GRTP1: variants seen among roughly 807,000 people sequenced by gnomAD.
GRTP1 encodes growth hormone regulated TBC protein 1, also known as growth hormone-regulated TBC protein 1.
A neutral mutation model predicts 38.1 loss-of-function variants in GRTP1; 56 were observed. The ratio of observed to expected loss-of-function variants is 1.47; its 90% CI spans 1.19 to 1.84. GRTP1 has a LOEUF of 1.84. GRTP1 is among the 40% of genes most tolerant of loss of function. The pLI is 0.00. For synonymous variants in GRTP1, 217 were observed against 189.5 expected (o/e 1.14, Z -1.19); for missense variants, 506 against 453.9 (o/e 1.11, Z -1.04).
At chr13:113,333,874 T>TGTGTGTGTG (rs33972835) in intron 5 of GRTP1, among the ~76,000 whole-genome samples, 5 of 135,262 alleles carry the variant, frequency 3.7e-5, no homozygotes, top group African/African-American at 1.4e-4. Flanking sequence ...TGTGTGTGTG[T>TGTGTGTGTG]CCGAGGCTGG....
Position 113,355,444 on chromosome 13 carries a change from G to A in GRTP1, c.219C>T (p.His73=). ...RYVRKGVPLE[H]RARVWMVLSG... ...TCAGCACCATCCAGACGCGGGCACG[G>A]TGCTCCAGCGGGACCCCTTTCCGGA... Residue 73 remains histidine (H), a synonymous_variant, in exon 3 of 8, where the codon CAC becomes CAT. Transcript: ENST00000375431. 3 of 1,613,818 alleles carry A rather than the reference G, an allele frequency of 1.9e-6. No individual in the cohort carries two copies. Among genetic ancestry groups the A allele is most frequent in the East Asian group, 2.2e-5 (1 of 44,870 alleles).
At chr13:113,328,220 C>G (rs1213187837) in intron 5 of GRTP1, among the ~76,000 whole-genome samples, 1 of 152,210 alleles carries the variant, frequency 6.6e-6, no homozygotes, top group East Asian at 1.9e-4. Context: ...TGCAAACCAC[C>G]CAACACTGTG....
chr13:113,329,541 GCCACTGCACT>G (rs1566414284), intron 5 of GRTP1, among the ~76,000 whole-genome samples: 4 of 152,146 alleles, frequency 2.6e-5, no homozygotes, highest in South Asian at 2.1e-4. Flanking sequence ...CCGAGATCGT[GCCACTGCACT>G]CCAGCCTGGG....
chr13:113,361,549 C>T (rs1329207843), intron 2 of GRTP1: 1 of 152,248 alleles, frequency 6.6e-6, no homozygotes, highest in Non-Finnish European at 1.5e-5. Context: ...CACAACCATA[C>T]ATCTTTCAGA....
intron 7 of GRTP1, chr13:113,325,248 C>T: frequency 1.4e-5 from 17 of 1,220,676 alleles, no homozygotes; most frequent in Non-Finnish European, 1.7e-5. Context: ...ACTCCCAGGC[C>T]TGAGCCTCTC....
intron 3 of GRTP1, among the ~76,000 whole-genome samples, chr13:113,354,529 A>ATTT (rs368158711): frequency 1.4e-5 from 2 of 145,272 alleles, no homozygotes; most frequent in Non-Finnish European, 3.0e-5. Context: ...AGGTTAACCA[A>ATTT]TATTTTTTTT....
intron 5 of GRTP1, among the ~76,000 whole-genome samples, chr13:113,332,424 C>CACGTGCACACGCACGCCA (rs1555314563): frequency 5.4e-5 from 8 of 148,056 alleles, no homozygotes; most frequent in African/African-American, 1.3e-4. Context: ...CACACGCACA[C>CACGTGCACACGCACGCCA]CACACAGGCA....
At position 113,352,357 on chromosome 13, in the gene GRTP1, A is replaced by T. The variant is rs1356278358; in HGVS notation, c.341-1384T>A. Reference sequence around the variant, plus strand: ...ATATTTTATATATATATTTATATATATTTTATATATATATATATATTTATA... The same window carrying T: ...ATATTTTATATATATATTTATATATTTTTTATATATATATATATATTTATA... On this transcript the variant is annotated intron_variant, in intron 3 of 7. Transcript: ENST00000375431. 7.6e-4 allele frequency among the ~76,000 whole-genome samples: 74 copies of T among 97,462 alleles called. 1 individual carries two copies. Among genetic ancestry groups the T allele is most frequent in the Admixed American group, 1.4e-3 (11 of 7,992 alleles). 63.9% of individuals were successfully genotyped at this position (97,462 alleles called of 152,430 possible). A position where few individuals can be genotyped will look rare whatever the true frequency, so the allele number is the denominator to read the frequency against.
chr13:113,339,363 G>A (rs1267713625), intron 5 of GRTP1: 1 of 152,128 alleles, frequency 6.6e-6, no homozygotes, highest in Non-Finnish European at 1.5e-5. Context: ...AAATTTTCAT[G>A]TAATTAAAAT....
rs906011099 is a variant in GRTP1 at position 113,326,204 on chromosome 13, A to G, written c.563-113T>C. ...GGCCACCCTGGGAGGACCCCTCCCA[A>G]GAGGGAGGGACAAAGTTGGAGAGGA... On this transcript the variant is annotated intron_variant, in intron 5 of 7. Coordinates refer to ENST00000375431, the MANE Select transcript of GRTP1 (RefSeq NM_024719.4). The G allele has an allele frequency of 3.9e-6, 5 of 1,279,088 alleles. No individual in the cohort carries two copies. In the African/African-American group the frequency reaches 6.0e-5, roughly 15 times the overall value. 79.2% of individuals were successfully genotyped at this position (1,279,088 alleles called of 1,614,324 possible). A position where few individuals can be genotyped will look rare whatever the true frequency, so the allele number is the denominator to read the frequency against.
At chr13:113,327,646 G>A (rs1038736386) in intron 5 of GRTP1, among the ~76,000 whole-genome samples, 14 of 152,352 alleles carry the variant, frequency 9.2e-5, no homozygotes, top group East Asian at 1.9e-4. Flanking sequence ...GTGAGCAAGC[G>A]CCAAGGATTA....
In GRTP1 at chr13:113,348,123, A is replaced by G. The variant is rs2043202166; in HGVS notation, c.465+2726T>C. Among the ~76,000 whole-genome samples, 1 of 152,196 alleles carries G rather than the reference A, an allele frequency of 6.6e-6. No homozygotes were observed. Among genetic ancestry groups the G allele is most frequent in the Admixed American group, 6.5e-5 (1 of 15,276 alleles). On this transcript the variant is annotated intron_variant, in intron 4 of 7. Transcript: ENST00000375431. The surrounding 1 kb of genome is among the most constrained non-coding windows in gnomAD (Gnocchi z 4.8). The stretch of plus-strand genomic sequence containing the variant: ...CCTGGGAGAGGGCGACCATGTGGAC[A>G]GTGTGGACACATGGAAATGCAGGTG...
At chr13:113,336,298 GTTTT>G (rs67179331) in intron 5 of GRTP1, among the ~76,000 whole-genome samples, 6 of 20,986 alleles carry the variant, frequency 2.9e-4, no homozygotes, top group Non-Finnish European at 1.7e-3. Flanking sequence ...GAATAAGGTA[GTTTT>G]TTTTTTTTTT....
rs572474654 is a variant in GRTP1 at position 113,341,590 on chromosome 13, C to T, written c.562+3273G>A. 1.4e-4 allele frequency among the ~76,000 whole-genome samples: 22 copies of T among 152,072 alleles called. No individual in the cohort carries two copies. In the South Asian group the frequency reaches 4.4e-3, roughly 30 times the overall value. On this transcript the variant is annotated intron_variant, in intron 5 of 7. Coordinates refer to ENST00000375431, the MANE Select transcript of GRTP1 (RefSeq NM_024719.4). ...CTACATTTTTTTCTTATCAGTCTTA[C>T]CAGAGGTTTGTCTATTTATCAGTTT...
chr13:113,353,043 C>T (rs1595507483), intron 3 of GRTP1, among the ~76,000 whole-genome samples: 1 of 151,248 alleles, frequency 6.6e-6, no homozygotes, highest in South Asian at 2.1e-4. Flanking sequence ...GGTAGGAACC[C>T]ACAGCTGAAA....
At chr13:113,326,658 G>A (rs956506916) in intron 5 of GRTP1, among the ~76,000 whole-genome samples, 95 of 151,002 alleles carry the variant, frequency 6.3e-4, no homozygotes, top group African/African-American at 2.3e-3. Flanking sequence ...GCCACAGAGC[G>A]AGACTCTGTC....
At chr13:113,328,066 C>T (rs1439696760) in intron 5 of GRTP1, among the ~76,000 whole-genome samples, 4 of 152,254 alleles carry the variant, frequency 2.6e-5, no homozygotes, top group South Asian at 2.1e-4. Flanking sequence ...GCCCAGCCGG[C>T]GCAGCGGCTG....
chr13:113,324,348 T>C lies in GRTP1; in HGVS notation c.*140A>G. On this transcript the variant is annotated 3_prime_UTR_variant, in exon 8 of 8. Coordinates refer to ENST00000375431, the MANE Select transcript of GRTP1 (RefSeq NM_024719.4). ...GAATGACCTGATTTTAAACTGCTCTTTTAAAAAATTCACAACTAAAGTGTA... is the reference window on the plus strand; with the variant it reads ...GAATGACCTGATTTTAAACTGCTCTCTTAAAAAATTCACAACTAAAGTGTA... The C allele has an allele frequency of 7.9e-7, 1 of 1,273,582 alleles. No individual in the cohort carries two copies. The highest frequency in any genetic ancestry group is 1.5e-5 in the African/African-American group (1 of 64,968). The allele number at this position is 1,273,582 out of a possible 1,614,324, so 78.9% of individuals were successfully genotyped here. A position where few individuals can be genotyped will look rare whatever the true frequency, so the allele number is the denominator to read the frequency against.
chr13:113,334,920 T>C (rs1421438070), intron 5 of GRTP1, among the ~76,000 whole-genome samples: 1 of 152,110 alleles, frequency 6.6e-6, no homozygotes, highest in Non-Finnish European at 1.5e-5. Context: ...CCTCCCGGGT[T>C]CACGCCATTC....
Sources: allele counts gnomAD v4.1 joint callset (sites outside exome capture counted in the v4.1 genomes callset), GRCh38; gene constraint gnomAD v4.1.1; non-coding constraint Gnocchi (gnomAD v3.1); transcripts MANE v1.5; gene names NCBI Gene and HGNC (gene_info 2026-07-23, HGNC 2026-07-21).